CHRM4: variants seen among roughly 807,000 people sequenced by gnomAD.
CHRM4 encodes muscarinic acetylcholine receptor M4.
In CHRM4, 5 loss-of-function variants were observed where a neutral mutation model predicts 26.3. The ratio of observed to expected loss-of-function variants is 0.19; its 90% CI spans 0.10 to 0.40. The LOEUF is 0.40. Ranked by LOEUF, CHRM4 falls within the 10% of genes least tolerant of loss-of-function variation. The pLI, the probability that CHRM4 is intolerant of heterozygous loss-of-function variation, is 1.00. For missense variants in CHRM4, 402 were observed against 664.5 expected, an observed-to-expected ratio of 0.60 and a Z score of 4.34; for synonymous variants, 290 against 285.3, an observed-to-expected ratio of 1.02 and a Z score of -0.16.
chr11:46,387,410 G>A (rs946035958), intron 1 of CHRM4, among the ~76,000 whole-genome samples: 4 of 152,280 alleles, frequency 2.6e-5, no homozygotes, highest in South Asian at 2.1e-4. Flanking sequence ...GACTCCAGGC[G>A]CCATCATGCC....
intron 1 of CHRM4, among the ~76,000 whole-genome samples, chr11:46,388,517 A>G (rs986643897): frequency 5.3e-5 from 8 of 152,264 alleles, no homozygotes; most frequent in African/African-American, 1.9e-4. Flanking sequence ...TCGCAGATAC[A>G]GACCCAGCCT....
Position 46,385,438 on chromosome 11 carries a change from C to T in CHRM4, c.1120G>A (p.Ala374Thr). 1 of 1,607,398 alleles carries T rather than the reference C, an allele frequency of 6.2e-7. No individual in the cohort carries two copies. The highest frequency in any genetic ancestry group is 8.5e-7 in the Non-Finnish European group (1 of 1,174,734). The change falls in exon 2 of 2, where the codon GCC (alanine) becomes ACC (threonine). Residue 374 changes from alanine (A) to threonine (T), a missense_variant. Ala to Thr is a moderately conservative substitution (Grantham distance 58). Coordinates refer to ENST00000682254, the MANE Select transcript of CHRM4 (RefSeq NM_000741.5). This position sits in a 1 kb window ranked among gnomAD's most constrained non-coding sequence, Gnocchi z 6.3. Reference sequence around the variant, plus strand: ...CGAGCGATGCTGGCGAACTTGCGGGCCACGTTGGCCGCAGGGCGCATGCCA... The same window carrying T: ...CGAGCGATGCTGGCGAACTTGCGGGTCACGTTGGCCGCAGGGCGCATGCCA... The part of the protein sequence containing the change: ...PAGMRPAANV[A>T]RKFASIARNQ...
chr11:46,386,015 G>A lies in CHRM4; in HGVS notation c.543C>T (p.Pro181=), dbSNP rs752117216. The A allele has an allele frequency of 1.9e-5, 30 of 1,612,986 alleles. No individual in the cohort carries two copies. The East Asian group carries it at 2.2e-4, about 12-fold the overall frequency. The change falls in exon 2 of 2, where the codon CCC becomes CCT. Residue 181 remains proline, a synonymous_variant. Transcript: ENST00000682254. The surrounding 1 kb of genome is among the most constrained non-coding windows in gnomAD (Gnocchi z 5.8). Reference sequence around the variant, plus strand: ...GGAACTGGATGAAGCACTGGTTGTCGGGCACCGTCCGCTTACCCACCACAA... The same window carrying A: ...GGAACTGGATGAAGCACTGGTTGTCAGGCACCGTCCGCTTACCCACCACAA... The part of the protein sequence containing the change: ...WQFVVGKRTV[P]DNQCFIQFLS...
Position 46,385,327 on chromosome 11 carries a change from G to A in CHRM4, c.1231C>T (p.Leu411Phe), listed in dbSNP as rs746016944. The change falls in exon 2 of 2, where the codon CTC becomes TTC. Residue 411 changes from leucine to phenylalanine, a missense_variant. This residue lies in a region of CHRM4 where 55 missense variants were observed against 126.4 expected (regional missense o/e 0.44). Transcript: ENST00000682254. This position sits in a 1 kb window ranked among gnomAD's most constrained non-coding sequence, Gnocchi z 6.3. ...TIFAILLAFILTWTPYNVMVL... is the reference protein window; with the variant it reads ...TIFAILLAFIFTWTPYNVMVL... Reference sequence around the variant, plus strand: ...ATGACGTTGTAGGGCGTCCAGGTGAGGATGAAGGCTAGCAGAATGGCAAAG... The same window carrying A: ...ATGACGTTGTAGGGCGTCCAGGTGAAGATGAAGGCTAGCAGAATGGCAAAG... 1 of 1,613,440 alleles carries A rather than the reference G, an allele frequency of 6.2e-7. No homozygotes were observed. The highest frequency in any genetic ancestry group is 8.5e-7 in the Non-Finnish European group (1 of 1,179,454).
chr11:46,385,830 G>T lies in CHRM4; in HGVS notation c.728C>A (p.Ala243Asp), dbSNP rs1590682099. Residue 243 changes from alanine (A) to aspartate (D), a missense_variant, in exon 2 of 2, where the codon GCC becomes GAC. Ala to Asp is a moderately radical substitution (Grantham distance 126). Coordinates refer to ENST00000682254, the MANE Select transcript of CHRM4 (RefSeq NM_000741.5). The surrounding 1 kb of genome is among the most constrained non-coding windows in gnomAD (Gnocchi z 6.3). ...GPKEKKAKTL[A>D]FLKSPLMKQS... is the part of the protein sequence containing the mutation. ...CTTCATTAGTGGGCTCTTGAGGAAG[G>T]CCAGCGTCTTGGCTTTCTTCTCCTT... 6.2e-7 allele frequency: 1 copy of T among 1,601,906 alleles called. No individual in the cohort carries two copies.
rs756567031 is a variant in CHRM4, at chr11:46,385,510, C to T, written c.1048G>A (p.Gly350Ser). 6.3e-7 allele frequency: 1 copy of T among 1,587,462 alleles called. No homozygotes were observed. The highest frequency in any genetic ancestry group is 8.6e-7 in the Non-Finnish European group (1 of 1,160,058). Residue 350 changes from glycine to serine, a missense_variant, in exon 2 of 2, where the codon GGC becomes AGC. By Grantham distance (56) the Gly-to-Ser change is moderately conservative. This residue lies in a region of CHRM4 where 205 missense variants were observed against 244.0 expected (regional missense o/e 0.84). Transcript: ENST00000682254. This position sits in a 1 kb window ranked among gnomAD's most constrained non-coding sequence, Gnocchi z 6.3. ...TCAATGGCTGTCACACACTCATTGCCTGTCTGCTTCGTCACAATCTGGATC... is the reference window on the plus strand; with the variant it reads ...TCAATGGCTGTCACACACTCATTGCTTGTCTGCTTCGTCACAATCTGGATC... ...SKIQIVTKQT[G>S]NECVTAIEIV...
rs1945388756 is a variant in CHRM4 at position 46,391,237 on chromosome 11, T to G, written c.-30+294A>C. Among the ~76,000 whole-genome samples the G allele has an allele frequency of 6.6e-6, 1 of 151,604 alleles. No individual in the cohort carries two copies. Among genetic ancestry groups the G allele is most frequent in the Non-Finnish European group, 1.5e-5 (1 of 67,838 alleles). On this transcript the variant is annotated intron_variant, in intron 1 of 1. Transcript: ENST00000682254. The surrounding 1 kb of genome is among the most constrained non-coding windows in gnomAD (Gnocchi z 6.3). ...GGCGGGGAGACGGCGGGAAAAGGGC[T>G]CTTTGGGGCTTCAGCGCCCGGCGCC...
intron 1 of CHRM4, among the ~76,000 whole-genome samples, chr11:46,388,144 C>T (rs751549542): frequency 2.6e-5 from 4 of 152,192 alleles, no homozygotes; most frequent in Non-Finnish European, 4.4e-5. Context: ...ACACACACAC[C>T]GCTCCACAGA....
Position 46,391,225 on chromosome 11 carries a change from C to T in CHRM4, c.-30+306G>A, listed in dbSNP as rs1460629861. Reference sequence around the variant, plus strand: ...AGGGAGAGGGAGGGCGGGGAGACGGCGGGAAAAGGGCTCTTTGGGGCTTCA... The same window carrying T: ...AGGGAGAGGGAGGGCGGGGAGACGGTGGGAAAAGGGCTCTTTGGGGCTTCA... On this transcript the variant is annotated intron_variant, in intron 1 of 1. Transcript: ENST00000682254. The surrounding 1 kb of genome is among the most constrained non-coding windows in gnomAD (Gnocchi z 6.3). Among the ~76,000 whole-genome samples the T allele has an allele frequency of 1.3e-5, 2 of 151,430 alleles. No homozygotes were observed. Among genetic ancestry groups the T allele is most frequent in the Non-Finnish European group, 2.9e-5 (2 of 67,820 alleles).
chr11:46,390,848 G>T (rs1945384734), intron 1 of CHRM4, among the ~76,000 whole-genome samples: 1 of 152,242 alleles, frequency 6.6e-6, no homozygotes, highest in African/African-American at 2.4e-5. Flanking sequence ...CCGCACGCCC[G>T]TGGGGTGGTT....
At position 46,386,549 on chromosome 11, in the gene CHRM4, G is replaced by A. The variant is rs1393780743; in HGVS notation, c.9C>T (p.Asn3=). The stretch of plus-strand genomic sequence containing the variant: ...CCGAGCTGCCATTGACAGGTGTGAA[G>A]TTGGCCATGTTGGTTGCCAGGGGTG... MA[N]FTPVNGSSGN... is the part of the protein sequence containing the mutation. The change falls in exon 2 of 2, where the codon AAC becomes AAT. Residue 3 remains asparagine (N), a synonymous_variant. Coordinates refer to ENST00000682254, the MANE Select transcript of CHRM4 (RefSeq NM_000741.5). The surrounding 1 kb of genome is among the most constrained non-coding windows in gnomAD (Gnocchi z 5.8). The A allele has an allele frequency of 3.1e-6, 5 of 1,608,050 alleles. No homozygotes were observed. Among genetic ancestry groups the A allele is most frequent in the Non-Finnish European group, 4.3e-6 (5 of 1,175,450 alleles).
In CHRM4 at chr11:46,385,084, C is replaced by T. The variant is rs1945320441; in HGVS notation, c.*34G>A. 1 of 1,550,628 alleles carries T rather than the reference C, an allele frequency of 6.4e-7. No homozygotes were observed. ...GTGTGGTCCCCCCAGCACACGCACG[C>T]AACACCAGCACCTCCTAGGGCACTC... On this transcript the variant is annotated 3_prime_UTR_variant, in exon 2 of 2. Transcript: ENST00000682254. The surrounding 1 kb of genome is among the most constrained non-coding windows in gnomAD (Gnocchi z 6.3).
At chr11:46,389,120 CG>C (rs1945369894) in intron 1 of CHRM4, among the ~76,000 whole-genome samples, 1 of 152,182 alleles carries the variant, frequency 6.6e-6, no homozygotes, top group Non-Finnish European at 1.5e-5. Context: ...CAGAAGAACC[CG>C]GGAAGCTCCT....
Position 46,386,712 on chromosome 11 carries a change from C to T in CHRM4, c.-29-126G>A, listed in dbSNP as rs1023518168. 9 of 915,310 alleles carry T rather than the reference C, an allele frequency of 9.8e-6. No homozygotes were observed. Among genetic ancestry groups the T allele is most frequent in the Admixed American group, 5.6e-5 (2 of 35,852 alleles). The allele number at this position is 915,310 out of a possible 1,614,324, so 56.7% of individuals were successfully genotyped here. ...AGAATGCCTTGAGAGAACTCTGTCCCGCCATCCCGCATTTGCCCATTCATT... is the reference window on the plus strand; with the variant it reads ...AGAATGCCTTGAGAGAACTCTGTCCTGCCATCCCGCATTTGCCCATTCATT... On this transcript the variant is annotated intron_variant, in intron 1 of 1. Coordinates refer to ENST00000682254, the MANE Select transcript of CHRM4 (RefSeq NM_000741.5). This position sits in a 1 kb window ranked among gnomAD's most constrained non-coding sequence, Gnocchi z 5.8.
In CHRM4 at chr11:46,384,065, AG is replaced by A. The variant is rs995203231; in HGVS notation, c.*1052del. 6.6e-6 allele frequency among the ~76,000 whole-genome samples: 1 copy of A among 152,240 alleles called. No homozygotes were observed. Among genetic ancestry groups the A allele is most frequent in the Non-Finnish European group, 1.5e-5 (1 of 68,048 alleles). On this transcript the variant is annotated 3_prime_UTR_variant, in exon 2 of 2. Transcript: ENST00000682254. ...CTCCCTCAGGGACCAGGGCTGGGGAAGGGAACCTGGCTGACTCACTGGAACC... is the reference window on the plus strand; with the variant it reads ...CTCCCTCAGGGACCAGGGCTGGGGAAGGAACCTGGCTGACTCACTGGAACC...
In CHRM4 at chr11:46,391,501, G is replaced by T. The variant is rs906885088; in HGVS notation, c.-30+30C>A. Reference sequence around the variant, plus strand: ...CCCGGCCCGCGCTCGCCCCGGAGGGGGTCTGGCGCCCTGTCCCAGTCGAAC... The same window carrying T: ...CCCGGCCCGCGCTCGCCCCGGAGGGTGTCTGGCGCCCTGTCCCAGTCGAAC... On this transcript the variant is annotated intron_variant, in intron 1 of 1. Coordinates refer to ENST00000682254, the MANE Select transcript of CHRM4 (RefSeq NM_000741.5). The surrounding 1 kb of genome is among the most constrained non-coding windows in gnomAD (Gnocchi z 6.3). Among the ~76,000 whole-genome samples the T allele has an allele frequency of 3.9e-5, 6 of 152,036 alleles. No individual in the cohort carries two copies. The highest frequency in any genetic ancestry group is 8.8e-5 in the Non-Finnish European group (6 of 67,946).
intron 1 of CHRM4, among the ~76,000 whole-genome samples, chr11:46,387,880 T>G (rs1186780724): frequency 6.6e-6 from 1 of 152,144 alleles, no homozygotes; most frequent in Non-Finnish European, 1.5e-5. Context: ...TGGGGACCCG[T>G]GAGGTGAAAG....
chr11:46,391,078 G>T lies in CHRM4; in HGVS notation c.-30+453C>A, dbSNP rs1945387159. Among the ~76,000 whole-genome samples, 1 of 150,974 alleles carries T rather than the reference G, an allele frequency of 6.6e-6. No homozygotes were observed. The highest frequency in any genetic ancestry group is 1.5e-5 in the Non-Finnish European group (1 of 67,660). On this transcript the variant is annotated intron_variant, in intron 1 of 1. Transcript: ENST00000682254. This position sits in a 1 kb window ranked among gnomAD's most constrained non-coding sequence, Gnocchi z 6.3. ...CTTGGAGGCTGGGCAGCAAAGGGGG[G>T]TAGTACCGGAGCGGGGGAGGGGTGT...
rs1254874457 is a variant in CHRM4, at chr11:46,385,313, G to A, written c.1245C>T (p.Pro415=). 2 of 1,613,846 alleles carry A rather than the reference G, an allele frequency of 1.2e-6. No homozygotes were observed. Among genetic ancestry groups the A allele is most frequent in the Admixed American group, 1.7e-5 (1 of 59,996 alleles). ...ILLAFILTWT[P]YNVMVLVNTF... The stretch of plus-strand genomic sequence containing the variant: ...TGTTCACCAGGACCATGACGTTGTA[G>A]GGCGTCCAGGTGAGGATGAAGGCTA... The change falls in exon 2 of 2, where the codon CCC becomes CCT. Residue 415 remains proline (P), a synonymous_variant. Transcript: ENST00000682254. This position sits in a 1 kb window ranked among gnomAD's most constrained non-coding sequence, Gnocchi z 6.3.
Sources: allele counts gnomAD v4.1 joint callset (sites outside exome capture counted in the v4.1 genomes callset), GRCh38; gene constraint gnomAD v4.1.1; regional missense constraint gnomAD v4.1.1; non-coding constraint Gnocchi (gnomAD v3.1); transcripts MANE v1.5; gene names NCBI Gene and HGNC (gene_info 2026-07-23, HGNC 2026-07-21).